HTR1F: variants seen among roughly 807,000 people sequenced by gnomAD.
HTR1F encodes the protein 5-hydroxytryptamine receptor 1F.
A neutral mutation model predicts 24.0 loss-of-function variants in HTR1F; 17 were observed. The ratio of observed to expected loss-of-function variants is 0.71; its 90% CI spans 0.48 to 1.06. The LOEUF is 1.06. Ranked by LOEUF, HTR1F falls within the 50% of genes least tolerant of loss-of-function variation. The pLI is 0.00. For missense variants in HTR1F, 391 were observed against 427.8 expected, an observed-to-expected ratio of 0.91 and a Z score of 0.76; for synonymous variants, 186 against 156.8, an observed-to-expected ratio of 1.19 and a Z score of -1.39.
Position 87,941,642 on chromosome 3 carries a change from G to A in HTR1F, c.-42-49066G>A, listed in dbSNP as rs554039379. 5.3e-5 allele frequency among the ~76,000 whole-genome samples: 8 copies of A among 152,296 alleles called. No individual in the cohort carries two copies. The South Asian group carries it at 1.0e-3, about 20-fold the overall frequency. ...TATCCCTGACCCTTGGAGTAAAACCGTCCAGGTGAGTTGAGACGTTGGGTT... is the reference window on the plus strand; with the variant it reads ...TATCCCTGACCCTTGGAGTAAAACCATCCAGGTGAGTTGAGACGTTGGGTT... On this transcript the variant is annotated intron_variant, in intron 2 of 2. Transcript: ENST00000319595.
At chr3:87,840,078 G>A (rs2107174768) in intron 2 of HTR1F, among the ~76,000 whole-genome samples, 1 of 152,264 alleles carries the variant, frequency 6.6e-6, no homozygotes, top group East Asian at 1.9e-4. Flanking sequence ...ATGAATAAAT[G>A]GGTGCATATG....
intron 2 of HTR1F, among the ~76,000 whole-genome samples, chr3:87,836,520 C>T (rs2171822): frequency 0.36 from 54,608 of 151,626 alleles, 14,107 homozygotes; most frequent in African/African-American, 0.74. Context: ...ATCCAGTAAG[C>T]ATTGAATAAA....
At chr3:87,938,192 T>C (rs1187612113) in intron 2 of HTR1F, among the ~76,000 whole-genome samples, 2 of 151,770 alleles carry the variant, frequency 1.3e-5, no homozygotes, top group African/African-American at 4.8e-5. Context: ...CGTTCACAAT[T>C]GGCAAAAAGG....
chr3:87,909,198 G>C (rs1703725369), intron 2 of HTR1F, among the ~76,000 whole-genome samples: 1 of 151,980 alleles, frequency 6.6e-6, no homozygotes, highest in South Asian at 2.1e-4. Flanking sequence ...ATAGCATATG[G>C]TGTGGAGTGG....
rs1705861446 is a variant in HTR1F, at chr3:87,992,579, T to C, written c.*729T>C. ...AGCATTTGAAATCAAAGCCTTACCT[T>C]AGTAACAATAACTCAACAAAGGGGC... On this transcript the variant is annotated 3_prime_UTR_variant, in exon 3 of 3. Coordinates refer to ENST00000319595, the MANE Select transcript of HTR1F (RefSeq NM_001322209.2). 1 of 167,042 alleles carries C rather than the reference T, an allele frequency of 6.0e-6. No homozygotes were observed. Among genetic ancestry groups the C allele is most frequent in the Non-Finnish European group, 1.5e-5 (1 of 68,084 alleles). 10.3% of individuals were successfully genotyped at this position (167,042 alleles called of 1,614,324 possible).
At chr3:87,824,774 A>G (rs1363743413) in intron 2 of HTR1F, among the ~76,000 whole-genome samples, 1 of 152,206 alleles carries the variant, frequency 6.6e-6, no homozygotes, top group African/African-American at 2.4e-5. Flanking sequence ...ATTACTTTTG[A>G]CTTCAAAGAG....
At chr3:87,987,814 GT>G (rs1197572197) in intron 2 of HTR1F, among the ~76,000 whole-genome samples, 2 of 136,160 alleles carry the variant, frequency 1.5e-5, no homozygotes, top group Non-Finnish European at 3.1e-5. Flanking sequence ...TATTATATAT[GT>G]ATTATATATA....
At position 87,792,726 on chromosome 3, in the gene HTR1F, G is replaced by T. The variant is rs1024353415; in HGVS notation, c.-276G>T. On this transcript the variant is annotated 5_prime_UTR_variant, in exon 1 of 3. Transcript: ENST00000319595. ...AGCGCGCAGTCAGCGTCGCGGCCCC[G>T]AAAGCTGGCGACAGGCGCTGCTGTC... is the stretch of plus-strand genomic sequence containing the variant. 6.6e-6 allele frequency among the ~76,000 whole-genome samples: 1 copy of T among 152,204 alleles called. No homozygotes were observed. Among genetic ancestry groups the T allele is most frequent in the Admixed American group, 6.5e-5 (1 of 15,292 alleles).
intron 2 of HTR1F, among the ~76,000 whole-genome samples, chr3:87,966,279 C>A (rs1559651150): frequency 6.6e-6 from 1 of 152,172 alleles, no homozygotes; most frequent in Non-Finnish European, 1.5e-5. Flanking sequence ...CCAAAGACCT[C>A]CCCTCCTAAT....
At chr3:87,853,328 T>C (rs915164985) in intron 2 of HTR1F, among the ~76,000 whole-genome samples, 4 of 152,116 alleles carry the variant, frequency 2.6e-5, no homozygotes, top group African/African-American at 9.7e-5. Context: ...GTATTTGGTT[T>C]TCTGTTCCTG....
Position 87,873,133 on chromosome 3 carries a change from C to CACAGAG in HTR1F, c.-43+51010_-43+51011insCAGAGA, listed in dbSNP as rs370152361. On this transcript the variant is annotated intron_variant, in intron 2 of 2. Transcript: ENST00000319595. ...ACACACACACACACACACACACACA[C>CACAGAG]AGAGAGATTTATGAGATTTATTATA... is the stretch of plus-strand genomic sequence containing the variant. Among the ~76,000 whole-genome samples the CACAGAG allele has an allele frequency of 6.2e-3, 803 of 130,266 alleles. 7 individuals carry two copies. The highest frequency in any genetic ancestry group is 0.012 in the African/African-American group (469 of 38,140). The allele number at this position is 130,266 out of a possible 152,430, so 85.5% of individuals were successfully genotyped here. A position where few individuals can be genotyped will look rare whatever the true frequency, so the allele number is the denominator to read the frequency against.
chr3:87,965,640 A>G (rs1705148436), intron 2 of HTR1F, among the ~76,000 whole-genome samples: 1 of 152,210 alleles, frequency 6.6e-6, no homozygotes, highest in Non-Finnish European at 1.5e-5. Context: ...TAGGATAATA[A>G]CTGGCGACAC....
chr3:87,927,461 G>C (rs143578150), intron 2 of HTR1F, among the ~76,000 whole-genome samples: 1 of 152,072 alleles, frequency 6.6e-6, no homozygotes, highest in African/African-American at 2.4e-5. Context: ...TCCAGAAAAT[G>C]TGTCTTAGAA....
intron 2 of HTR1F, among the ~76,000 whole-genome samples, chr3:87,885,254 C>A (rs555958803): frequency 4.6e-5 from 7 of 151,892 alleles, no homozygotes; most frequent in African/African-American, 1.7e-4. Flanking sequence ...GGGTAGATAA[C>A]GAAATGAAGG....
chr3:87,978,409 C>T (rs899985839), intron 2 of HTR1F, among the ~76,000 whole-genome samples: 5 of 152,126 alleles, frequency 3.3e-5, no homozygotes, highest in African/African-American at 1.2e-4. Flanking sequence ...AGAATGATAA[C>T]TAGAGAGTGA....
intron 2 of HTR1F, among the ~76,000 whole-genome samples, chr3:87,862,355 T>C (rs1485227056): frequency 2.0e-5 from 3 of 152,226 alleles, no homozygotes; most frequent in Non-Finnish European, 4.4e-5. Context: ...TTGTCTATAA[T>C]TTAACAATCC....
At chr3:87,822,440 G>T (rs1444184191) in intron 2 of HTR1F, among the ~76,000 whole-genome samples, 1 of 152,152 alleles carries the variant, frequency 6.6e-6, no homozygotes, top group African/African-American at 2.4e-5. Context: ...AATGCTTATA[G>T]AAAGTGAAAG....
intron 1 of HTR1F, among the ~76,000 whole-genome samples, chr3:87,815,086 G>T (rs924744538): frequency 6.6e-6 from 1 of 152,076 alleles, no homozygotes; most frequent in Non-Finnish European, 1.5e-5. Context: ...TGTGGAAAGG[G>T]TATTGAGTGG....
At chr3:87,957,220 T>C (rs1374049160) in intron 2 of HTR1F, among the ~76,000 whole-genome samples, 1 of 151,362 alleles carries the variant, frequency 6.6e-6, no homozygotes, top group Non-Finnish European at 1.5e-5. Context: ...GATATCATGG[T>C]ATATCTCTTT....
Sources: allele counts gnomAD v4.1 joint callset (sites outside exome capture counted in the v4.1 genomes callset), GRCh38; gene constraint gnomAD v4.1.1; transcripts MANE v1.5; gene names NCBI Gene and HGNC (gene_info 2026-07-23, HGNC 2026-07-21).